The following GCNT2 variants were observed in gnomAD, a reference collection of about 807,000 sequenced individuals.
GCNT2 encodes the protein glucosaminyl (N-acetyl) transferase 2 (I blood group), also known as N-acetyllactosaminide beta-1,6-N-acetylglucosaminyl-transferase.
In GCNT2, 34 loss-of-function variants were observed where a neutral mutation model predicts 34.2. The ratio of observed to expected loss-of-function variants is 1.00; its 90% CI spans 0.76 to 1.32. The LOEUF is 1.32. Ranked by LOEUF, GCNT2 falls within the 40% of genes most tolerant of loss-of-function variation. GCNT2 has a pLI of 0.00. For synonymous variants in GCNT2, 212 were observed against 188.0 expected (o/e 1.13, Z -1.04); for missense variants, 584 against 489.4 (o/e 1.19, Z -1.82).
At chr6:10,600,370 T>C (rs1300545893) in intron 3 of GCNT2, among the ~76,000 whole-genome samples, 1 of 152,200 alleles carries the variant, frequency 6.6e-6, no homozygotes, top group African/African-American at 2.4e-5. Context: ...CTGTTTTACA[T>C]TGTTGTTGAT....
At chr6:10,575,088 G>A (rs963528945) in intron 3 of GCNT2, 1 of 539,776 alleles carries the variant, frequency 1.9e-6, no homozygotes, top group East Asian at 3.6e-5. Context: ...TTTTTGAACA[G>A]TACCCATTCC....
At chr6:10,572,633 C>G (rs548802160) in intron 3 of GCNT2, among the ~76,000 whole-genome samples, 1 of 152,076 alleles carries the variant, frequency 6.6e-6, no homozygotes, top group African/African-American at 2.4e-5. Flanking sequence ...ACTCAGGAGG[C>G]TGAGTCAGGA....
At chr6:10,582,558 T>C (rs1764170372) in intron 3 of GCNT2, among the ~76,000 whole-genome samples, 1 of 135,494 alleles carries the variant, frequency 7.4e-6, no homozygotes, top group African/African-American at 2.8e-5. Flanking sequence ...ATAATATATA[T>C]CATATATATT....
chr6:10,596,666 AT>A, intron 3 of GCNT2, among the ~76,000 whole-genome samples: 1 of 151,926 alleles, frequency 6.6e-6, no homozygotes, highest in South Asian at 2.1e-4. Context: ...TTTCCTGTGT[AT>A]CCCTCTAACC....
chr6:10,529,080 G>GT lies in GCNT2; in HGVS notation c.175dup (p.Tyr59LeufsTer12). On this transcript the variant is annotated frameshift_variant, in exon 3 of 5. Transcript: ENST00000495262. LOFTEE classifies it high-confidence loss of function. The stretch of plus-strand genomic sequence containing the variant: ...CTGTCATCAGATTTTTGAGGGGAAA[G>GT]TTTTTTACCCAACAGAAAATGCATT... The GT allele has an allele frequency of 2.5e-6, 4 of 1,608,178 alleles. No homozygotes were observed. The highest frequency in any genetic ancestry group is 3.4e-6 in the Non-Finnish European group (4 of 1,174,706).
intron 1 of GCNT2, among the ~76,000 whole-genome samples, chr6:10,524,344 G>A (rs1284781665): frequency 6.6e-6 from 1 of 150,494 alleles, no homozygotes; most frequent in Non-Finnish European, 1.5e-5. Context: ...TTCGCCTCCC[G>A]GGGTTCAAGC....
At position 10,626,473 on chromosome 6, in the gene GCNT2, A is replaced by G. The variant is rs74715857; in HGVS notation, c.1075A>G (p.Asn359Asp). Residue 359 changes from asparagine (N) to aspartate (D), a missense_variant, in exon 5 of 5, where the codon AAT (asparagine) becomes GAT (aspartate). Physicochemically the swap from Asn to Asp is conservative, Grantham distance 23. Transcript: ENST00000495262. ...AAACGGAGACTTAAAGTGGCTGGTT[A>G]ATTCACCAAGCCTGTTTGCTAACAA... ...YGNGDLKWLVNSPSLFANKFE... is the reference protein window; with the variant it reads ...YGNGDLKWLVDSPSLFANKFE... 1 of 1,613,094 alleles carries G rather than the reference A, an allele frequency of 6.2e-7. No individual in the cohort carries two copies. Among genetic ancestry groups the G allele is most frequent in the Non-Finnish European group, 8.5e-7 (1 of 1,179,064 alleles).
Position 10,573,112 on chromosome 6 carries a change from T to C in GCNT2, c.925+43276T>C. The C allele has an allele frequency of 3.5e-6, 3 of 863,580 alleles. No homozygotes were observed. In the South Asian group the frequency reaches 1.6e-4, roughly 47 times the overall value. 53.5% of individuals were successfully genotyped at this position (863,580 alleles called of 1,614,324 possible). On this transcript the variant is annotated intron_variant, in intron 3 of 4. Coordinates refer to ENST00000495262, the MANE Select transcript of GCNT2 (RefSeq NM_145649.5). ...GCCTATCTCTATTTTAAGACTTTTG[T>C]TTCCATTTATTTGAAAGTGTTCGGA... is the stretch of plus-strand genomic sequence containing the variant.
chr6:10,569,343 G>A (rs1223328519), intron 3 of GCNT2, among the ~76,000 whole-genome samples: 1 of 151,188 alleles, frequency 6.6e-6, no homozygotes, highest in Non-Finnish European at 1.5e-5. Flanking sequence ...TGTTTTCTGA[G>A]ACAGGGTCTC....
Position 10,572,737 on chromosome 6 carries a change from A to AAAAAAT in GCNT2, c.925+42919_925+42924dup, listed in dbSNP as rs754279217. Among the ~76,000 whole-genome samples the AAAAAAT allele has an allele frequency of 1.5e-4, 23 of 152,322 alleles. No homozygotes were observed. In the South Asian group the frequency reaches 4.3e-3, roughly 29 times the overall value. On this transcript the variant is annotated intron_variant, in intron 3 of 4. Transcript: ENST00000495262. ...TGACAGAGCGAGACTCCGTCTCAAA[A>AAAAAAT]AAAAATAAAAATAAAAATAAAAAAT...
At chr6:10,624,901 C>T (rs1305974896) in intron 4 of GCNT2, among the ~76,000 whole-genome samples, 1 of 152,172 alleles carries the variant, frequency 6.6e-6, no homozygotes, top group African/African-American at 2.4e-5. Flanking sequence ...AAAGCCTGTA[C>T]TCATTGCCCC....
intron 3 of GCNT2, among the ~76,000 whole-genome samples, chr6:10,578,110 G>A (rs981632923): frequency 3.3e-5 from 5 of 152,020 alleles, no homozygotes; most frequent in African/African-American, 1.2e-4. Context: ...GATGAAACTG[G>A]CCAGGCGCAT....
intron 4 of GCNT2, among the ~76,000 whole-genome samples, chr6:10,625,043 C>CT (rs1380775032): frequency 6.6e-6 from 1 of 152,134 alleles, no homozygotes; most frequent in East Asian, 1.9e-4. Context: ...CCTGGTCATT[C>CT]TTTCACTTCC....
intron 3 of GCNT2, among the ~76,000 whole-genome samples, chr6:10,576,082 C>G (rs1039541705): frequency 1.3e-5 from 2 of 152,188 alleles, no homozygotes; most frequent in African/African-American, 4.8e-5. Context: ...GTTGTCCAGG[C>G]TGGTCTCGAA....
chr6:10,526,936 C>T (rs1229103373), intron 1 of GCNT2, among the ~76,000 whole-genome samples: 1 of 151,602 alleles, frequency 6.6e-6, no homozygotes, highest in Non-Finnish European at 1.5e-5. Flanking sequence ...CACAGTAAGA[C>T]CCCCATCTCT....
rs1459204233 is a variant in GCNT2, at chr6:10,529,711, T to G, written c.800T>G (p.Val267Gly). ...GTGATTTACTTTGGCACGGCCTACG[T>G]GGCTCTCACAAGGGACTTTGCTAAC... is the stretch of plus-strand genomic sequence containing the variant. ...DMVIYFGTAY[V>G]ALTRDFANFV... is the part of the protein sequence containing the mutation. Residue 267 changes from valine (V) to glycine (G), a missense_variant, in exon 3 of 5, where the codon GTG becomes GGG. Coordinates refer to ENST00000495262, the MANE Select transcript of GCNT2 (RefSeq NM_145649.5). 10 of 1,614,150 alleles carry G rather than the reference T, an allele frequency of 6.2e-6. No individual in the cohort carries two copies. The highest frequency in any genetic ancestry group is 8.5e-6 in the Non-Finnish European group (10 of 1,179,992).
At chr6:10,538,800 T>C (rs1270463910) in intron 3 of GCNT2, among the ~76,000 whole-genome samples, 1 of 152,208 alleles carries the variant, frequency 6.6e-6, no homozygotes, top group East Asian at 1.9e-4. Flanking sequence ...TTGCCAATTA[T>C]ACCATCTTCT....
intron 3 of GCNT2, among the ~76,000 whole-genome samples, chr6:10,597,754 G>A (rs1764920380): frequency 1.3e-5 from 2 of 152,116 alleles, no homozygotes; most frequent in Admixed American, 6.5e-5. Flanking sequence ...GAGCCACCAC[G>A]CCTGGCCAGG....
chr6:10,608,525 G>A (rs1316694728), intron 3 of GCNT2, among the ~76,000 whole-genome samples: 5 of 152,028 alleles, frequency 3.3e-5, no homozygotes, highest in Admixed American at 2.0e-4. Context: ...AAATCTTTGC[G>A]AGCTTGATAA....
Sources: gnomAD v4.1 joint callset for allele counts (sites outside exome capture counted in the v4.1 genomes callset) on GRCh38, gnomAD v4.1.1 for gene constraint, MANE v1.5 for transcripts, NCBI Gene and HGNC (gene_info 2026-07-23, HGNC 2026-07-21) for gene names.